TMTC1: variants seen among roughly 807,000 people sequenced by gnomAD.
TMTC1 encodes transmembrane O-mannosyltransferase targeting cadherins 1.
A neutral mutation model predicts 104.8 loss-of-function variants in TMTC1; 73 were observed. That is an observed-to-expected ratio of 0.70 (90% CI 0.58 to 0.85). The LOEUF (loss-of-function observed/expected upper bound fraction) is 0.85. TMTC1 is among the 40% of genes least tolerant of loss of function. The pLI, the probability that TMTC1 is intolerant of heterozygous loss-of-function variation, is 0.00. For missense variants in TMTC1, 1,035 were observed against 1,096.1 expected, an observed-to-expected ratio of 0.94 and a Z score of 0.79; for synonymous variants, 434 against 428.7, an observed-to-expected ratio of 1.01 and a Z score of -0.15.
chr12:29,589,054 T>C (rs1045135642), intron 7 of TMTC1, among the ~76,000 whole-genome samples: 1 of 152,240 alleles, frequency 6.6e-6, no homozygotes, highest in South Asian at 2.1e-4. Flanking sequence ...AGATAAAAGC[T>C]TAACTATCTC....
rs775556014 is a variant in TMTC1 at position 29,557,010 on chromosome 12, TA to T, written c.1533-11del. On this transcript the variant is annotated splice_polypyrimidine_tract_variant and intron_variant, in intron 9 of 17. Coordinates refer to ENST00000539277, the MANE Select transcript of TMTC1 (RefSeq NM_001193451.2). ...ATGGCGTGGATACAACCTGAAAAGT[TA>T]AAAATATTAAGCTGTGATGGTTCAA... 25 of 1,613,414 alleles carry T rather than the reference TA, an allele frequency of 1.5e-5. No homozygotes were observed. In the East Asian group the frequency reaches 5.1e-4, roughly 33 times the overall value.
intron 5 of TMTC1, among the ~76,000 whole-genome samples, chr12:29,673,396 A>G (rs562919248): frequency 1.7e-3 from 252 of 152,290 alleles, no homozygotes; most frequent in Non-Finnish European, 2.5e-3. Flanking sequence ...GCTTTTCAAT[A>G]TTGTGAAAAT....
chr12:29,588,463 T>A (rs896216700), intron 7 of TMTC1, among the ~76,000 whole-genome samples: 2 of 152,202 alleles, frequency 1.3e-5, no homozygotes, highest in African/African-American at 4.8e-5. Flanking sequence ...CAACCCAAAC[T>A]GAGCAGGGCA....
At chr12:29,593,879 A>C (rs867498912) in intron 7 of TMTC1, among the ~76,000 whole-genome samples, 2 of 152,258 alleles carry the variant, frequency 1.3e-5, no homozygotes, top group African/African-American at 4.8e-5. Flanking sequence ...TAAGCAACTA[A>C]AACATAGCAG....
intron 6 of TMTC1, among the ~76,000 whole-genome samples, chr12:29,628,363 A>AAGATTACAT (rs1366860317): frequency 6.6e-6 from 1 of 152,134 alleles, no homozygotes; most frequent in Non-Finnish European, 1.5e-5. Context: ...CCAGACATAC[A>AAGATTACAT]AGATTACATG....
chr12:29,627,168 G>A (rs1474724219), intron 6 of TMTC1, among the ~76,000 whole-genome samples: 1 of 152,046 alleles, frequency 6.6e-6, no homozygotes, highest in East Asian at 1.9e-4. Context: ...AATGTAAAAG[G>A]CCAACCTACG....
intron 6 of TMTC1, among the ~76,000 whole-genome samples, chr12:29,605,705 T>C (rs1946680849): frequency 1.3e-5 from 2 of 152,336 alleles, no homozygotes; most frequent in South Asian, 4.1e-4. Context: ...TTTATTTATT[T>C]GTTTAAATTT....
intron 5 of TMTC1, among the ~76,000 whole-genome samples, chr12:29,662,748 G>T (rs1940094324): frequency 6.6e-6 from 1 of 151,738 alleles, no homozygotes; most frequent in Non-Finnish European, 1.5e-5. Context: ...ACTGTGAGGA[G>T]GTGAGAGCCT....
At chr12:29,568,850 C>T in intron 9 of TMTC1, 1 of 453,162 alleles carries the variant, frequency 2.2e-6, no homozygotes, top group African/African-American at 2.0e-5. Context: ...GGACTTTCTA[C>T]TCCCATCACA....
intron 7 of TMTC1, among the ~76,000 whole-genome samples, chr12:29,598,203 T>C (rs902015955): frequency 6.6e-6 from 1 of 152,240 alleles, no homozygotes; most frequent in Non-Finnish European, 1.5e-5. Flanking sequence ...TCCCTGTTGA[T>C]ATTAATATTT....
intron 10 of TMTC1, among the ~76,000 whole-genome samples, chr12:29,537,780 T>C (rs935428434): frequency 6.6e-6 from 1 of 152,104 alleles, no homozygotes; most frequent in African/African-American, 2.4e-5. Context: ...ACAGCTCCAG[T>C]TTCTGAGGAT....
chr12:29,672,093 A>C (rs1274304935), intron 5 of TMTC1, among the ~76,000 whole-genome samples: 1 of 152,202 alleles, frequency 6.6e-6, no homozygotes, highest in African/African-American at 2.4e-5. Flanking sequence ...CAATCCCTGG[A>C]AGCTTGAGCA....
intron 6 of TMTC1, among the ~76,000 whole-genome samples, chr12:29,616,475 C>T (rs1053725285): frequency 6.6e-6 from 1 of 151,998 alleles, no homozygotes; most frequent in Non-Finnish European, 1.5e-5. Flanking sequence ...AGTTCAAGGC[C>T]TGACCAACAT....
In TMTC1 at chr12:29,715,301, T is replaced by C. The variant is rs190560871; in HGVS notation, c.938+36365A>G. On this transcript the variant is annotated intron_variant, in intron 5 of 17. Transcript: ENST00000539277. The stretch of plus-strand genomic sequence containing the variant: ...TCAAAGAATTAGGAGATTTTTGCTA[T>C]AACAAGACTCTATTCTCATCTACCC... Among the ~76,000 whole-genome samples, 586 of 152,304 alleles carry C rather than the reference T, an allele frequency of 3.8e-3. 2 individuals are homozygous for C. The highest frequency in any genetic ancestry group is 7.0e-3 in the Non-Finnish European group (473 of 68,012).
intron 5 of TMTC1, among the ~76,000 whole-genome samples, chr12:29,684,113 C>T (rs141367065): frequency 7.0e-4 from 106 of 152,228 alleles, no homozygotes; most frequent in Non-Finnish European, 1.2e-3. Context: ...CAAAGTGCTG[C>T]GATTACAGGC....
intron 5 of TMTC1, among the ~76,000 whole-genome samples, chr12:29,710,162 C>T (rs897535796): frequency 5.3e-5 from 8 of 152,106 alleles, no homozygotes; most frequent in Admixed American, 1.3e-4. Flanking sequence ...TACTGAACAG[C>T]GTTCTTTAAT....
chr12:29,569,405 T>C lies in TMTC1; in HGVS notation c.1532+2700A>G, dbSNP rs574163836. Among the ~76,000 whole-genome samples, 10 of 152,306 alleles carry C rather than the reference T, an allele frequency of 6.6e-5. No individual in the cohort carries two copies. In the South Asian group the frequency reaches 1.9e-3, roughly 28 times the overall value. Reference sequence around the variant, plus strand: ...CAACAGTAATGGATAATTGCTGGAATTGATTTCAGATAATAGCGCCTTTAA... The same window carrying C: ...CAACAGTAATGGATAATTGCTGGAACTGATTTCAGATAATAGCGCCTTTAA... On this transcript the variant is annotated intron_variant, in intron 9 of 17. Coordinates refer to ENST00000539277, the MANE Select transcript of TMTC1 (RefSeq NM_001193451.2).
intron 6 of TMTC1, among the ~76,000 whole-genome samples, chr12:29,626,539 G>A (rs1007446219): frequency 6.6e-6 from 1 of 152,118 alleles, no homozygotes; most frequent in Non-Finnish European, 1.5e-5. Flanking sequence ...GGTGTTTAGG[G>A]AGAAAGAATA....
intron 7 of TMTC1, among the ~76,000 whole-genome samples, chr12:29,585,451 C>T (rs1323240896): frequency 6.6e-6 from 1 of 152,138 alleles, no homozygotes; most frequent in African/African-American, 2.4e-5. Flanking sequence ...TTAATTAGAA[C>T]CCATTTGTCA....
Sources: allele counts gnomAD v4.1 joint callset (sites outside exome capture counted in the v4.1 genomes callset), GRCh38; gene constraint gnomAD v4.1.1; transcripts MANE v1.5; gene names NCBI Gene and HGNC (gene_info 2026-07-23, HGNC 2026-07-21).